GFM2: variants seen among roughly 807,000 people sequenced by gnomAD.
GFM2 encodes GTP dependent ribosome recycling factor mitochondrial 2.
Under a neutral mutation model 95.4 loss-of-function variants are expected in GFM2, and 72 were observed. That is an observed-to-expected ratio of 0.76 (90% CI 0.62 to 0.92). GFM2 has a LOEUF of 0.92. Among genes scored for constraint, GFM2 ranks in the 40% least tolerant of loss-of-function variants. The probability of loss-of-function intolerance (pLI) is 0.00; values close to 1 mark genes in which losing one functional copy is unlikely to be tolerated. For missense variants in GFM2, 825 were observed against 924.1 expected (o/e 0.89, Z 1.39); for synonymous variants, 276 against 317.5 (o/e 0.87, Z 1.39).
rs35313753 is a variant in GFM2 at position 74,757,731 on chromosome 5, TAAA to T, written c.304+1115_304+1117del. ...GCAACAGAGCAAGAGCCTATGTCTC[TAAA>T]AAAAAAAAAAAAAAAAAAAAAAATT... On this transcript the variant is annotated intron_variant, in intron 5 of 20. Coordinates refer to ENST00000296805, the MANE Select transcript of GFM2 (RefSeq NM_032380.5). 1.1e-3 allele frequency among the ~76,000 whole-genome samples: 94 copies of T among 89,158 alleles called. 1 individual carries two copies. Among genetic ancestry groups the T allele is most frequent in the African/African-American group, 3.1e-3 (78 of 24,770 alleles). The allele number at this position is 89,158 out of a possible 152,430, so 58.5% of individuals were successfully genotyped here.
chr5:74,729,797 G>A (rs957107750), intron 17 of GFM2, among the ~76,000 whole-genome samples: 3 of 151,292 alleles, frequency 2.0e-5, no homozygotes, highest in Admixed American at 6.6e-5. Flanking sequence ...AAAATCATAT[G>A]CAGAAAAATT....
In GFM2 at chr5:74,759,387, A is replaced by T; in HGVS notation, c.188T>A (p.Ile63Asn). Residue 63 changes from isoleucine (I) to asparagine (N), a missense_variant, in exon 4 of 21, where the codon ATC becomes AAC. Transcript: ENST00000296805. ...GNDIKSLHSI[I>N]NPPIAKIRNI... is the part of the protein sequence containing the mutation. Reference sequence around the variant, plus strand: ...TACTTACTTAGCTATGGGAGGATTGATGATGGAATGAAGGGATTTGATATC... The same window carrying T: ...TACTTACTTAGCTATGGGAGGATTGTTGATGGAATGAAGGGATTTGATATC... The T allele has an allele frequency of 6.5e-7, 1 of 1,538,510 alleles. No individual in the cohort carries two copies. Among genetic ancestry groups the T allele is most frequent in the Middle Eastern group, 1.7e-4 (1 of 5,870 alleles).
intron 1 of GFM2, among the ~76,000 whole-genome samples, chr5:74,766,663 C>T (rs1196699486): frequency 6.6e-6 from 1 of 152,242 alleles, no homozygotes; most frequent in Non-Finnish European, 1.5e-5. Flanking sequence ...TGCAAAGCCC[C>T]AGTAGTTCCA....
intron 5 of GFM2, among the ~76,000 whole-genome samples, chr5:74,758,124 T>C (rs989544854): frequency 2.0e-5 from 3 of 152,226 alleles, no homozygotes; most frequent in African/African-American, 7.2e-5. Context: ...AAAGATAACT[T>C]GGTTAAGGAT....
chr5:74,721,677 T>C lies in GFM2; in HGVS notation c.2318A>G (p.Asn773Ser). ...MNPQDQNTLL[N>S]RRSGLT is the part of the protein sequence containing the mutation. ...CATTTAGGTCAAACCACTTCTCCGGTTGAGCAGTGTATTTTGATCTTGAGG... is the reference window on the plus strand; with the variant it reads ...CATTTAGGTCAAACCACTTCTCCGGCTGAGCAGTGTATTTTGATCTTGAGG... Residue 773 changes from asparagine to serine, a missense_variant, in exon 21 of 21, where the codon AAC becomes AGC. Physicochemically the swap from Asn to Ser is conservative, Grantham distance 46. Transcript: ENST00000296805. The C allele has an allele frequency of 6.2e-7, 1 of 1,613,282 alleles. No individual in the cohort carries two copies. Among genetic ancestry groups the C allele is most frequent in the Non-Finnish European group, 8.5e-7 (1 of 1,179,754 alleles).
chr5:74,740,867 T>C (rs1743075279), intron 11 of GFM2, among the ~76,000 whole-genome samples: 1 of 152,198 alleles, frequency 6.6e-6, no homozygotes, highest in Admixed American at 6.5e-5. Context: ...ACTAAGTGAA[T>C]TTGCTAGGCT....
At chr5:74,753,382 G>A (rs1743814395) in intron 5 of GFM2, among the ~76,000 whole-genome samples, 1 of 152,156 alleles carries the variant, frequency 6.6e-6, no homozygotes, top group African/African-American at 2.4e-5. Context: ...CAGATCACTT[G>A]CGGTCAGGAG....
In GFM2 at chr5:74,736,582, A is replaced by G. The variant is rs570147807; in HGVS notation, c.1510+214T>C. 9.3e-6 allele frequency: 13 copies of G among 1,402,288 alleles called. No individual in the cohort carries two copies. In the East Asian group the frequency reaches 3.5e-4, roughly 37 times the overall value. 86.9% of individuals were successfully genotyped at this position (1,402,288 alleles called of 1,614,324 possible). ...CAAGAGTAAGGAAGAATATAATATG[A>G]GAAGAATGGCCAAGAAATAAGAAGA... On this transcript the variant is annotated intron_variant, in intron 15 of 20. Coordinates refer to ENST00000296805, the MANE Select transcript of GFM2 (RefSeq NM_032380.5).
At chr5:74,724,986 G>A (rs543361615) in intron 19 of GFM2, 1 of 152,312 alleles carries the variant, frequency 6.6e-6, no homozygotes, top group East Asian at 1.9e-4. Flanking sequence ...AAGACCCATT[G>A]CTTGATGCTT....
At chr5:74,742,152 T>C (rs1743139964) in intron 10 of GFM2, among the ~76,000 whole-genome samples, 1 of 152,162 alleles carries the variant, frequency 6.6e-6, no homozygotes, top group Admixed American at 6.6e-5. Context: ...TCACATTCTT[T>C]TCATGACCAT....
chr5:74,748,087 C>T (rs2112306977), intron 7 of GFM2, among the ~76,000 whole-genome samples: 1 of 152,288 alleles, frequency 6.6e-6, no homozygotes, highest in Admixed American at 6.5e-5. Flanking sequence ...GTGAACTTAA[C>T]TGAGAATCAG....
chr5:74,732,205 C>T (rs1389738122), intron 16 of GFM2, among the ~76,000 whole-genome samples: 1 of 143,110 alleles, frequency 7.0e-6, no homozygotes, highest in Non-Finnish European at 1.5e-5. Flanking sequence ...CTCCTGGGCT[C>T]AAGCAATCCT....
chr5:74,759,093 A>C (rs1242306388), intron 4 of GFM2, 147 bp from the exon 5 acceptor site: 1 of 621,184 alleles, frequency 1.6e-6, no homozygotes, highest in Non-Finnish European at 2.8e-6. Flanking sequence ...GTATATCCAC[A>C]TTACTCTGAT....
At chr5:74,728,511 G>A (rs1447915895) in intron 17 of GFM2, among the ~76,000 whole-genome samples, 3 of 152,164 alleles carry the variant, frequency 2.0e-5, no homozygotes, top group South Asian at 4.1e-4. Flanking sequence ...ATGTGTAAGT[G>A]TACCTGCATA....
At chr5:74,736,724 G>A (rs767434976) in intron 15 of GFM2, 72 bp downstream of exon 15, 1 of 1,590,276 alleles carries the variant, frequency 6.3e-7, no homozygotes, top group Non-Finnish European at 8.6e-7. Flanking sequence ...GAAATCTCTT[G>A]AGGGTATATT....
chr5:74,727,559 TGTATTATTATAA>T (rs1750205038), intron 17 of GFM2, among the ~76,000 whole-genome samples: 1 of 152,202 alleles, frequency 6.6e-6, no homozygotes, highest in South Asian at 2.1e-4. Flanking sequence ...TATTTACCTA[TGTATTATTATAA>T]GTATGAACTT....
intron 10 of GFM2, among the ~76,000 whole-genome samples, chr5:74,744,407 T>C (rs1181465467): frequency 1.3e-5 from 2 of 150,724 alleles, no homozygotes; most frequent in Non-Finnish European, 3.0e-5. Context: ...AAAAAATGAA[T>C]GCTGAATAAA....
chr5:74,722,508 A>G lies in GFM2; in HGVS notation c.2082T>C (p.Val694=), dbSNP rs375372058. ...QVLEPLMNLE[V]TVARDYLSPV... is the part of the protein sequence containing the mutation. ...GGCTGAGATAATCTCTAGCTACTGT[A>G]ACCTCAAGATTCATCAGAGGCTCCA... is the stretch of plus-strand genomic sequence containing the variant. The change falls in exon 20 of 21, where the codon GTT becomes GTC. Residue 694 remains valine (V), a synonymous_variant. Transcript: ENST00000296805. 5.1e-5 allele frequency: 83 copies of G among 1,613,884 alleles called. 1 individual carries two copies. The highest frequency in any genetic ancestry group is 3.3e-5 in the Admixed American group (2 of 59,988).
intron 16 of GFM2, among the ~76,000 whole-genome samples, chr5:74,731,038 C>T (rs1419569163): frequency 2.0e-4 from 30 of 152,114 alleles, no homozygotes; most frequent in Admixed American, 2.0e-3. Context: ...GTCTCGAACT[C>T]GTGACCTCAG....
Sources: gnomAD v4.1 joint callset for allele counts (sites outside exome capture counted in the v4.1 genomes callset) on GRCh38, gnomAD v4.1.1 for gene constraint, MANE v1.5 for transcripts, NCBI Gene and HGNC (gene_info 2026-07-23, HGNC 2026-07-21) for gene names.